PPP2R2C: variants seen among roughly 807,000 people sequenced by gnomAD.
PPP2R2C encodes the protein protein phosphatase 2, regulatory subunit B, gamma.
In PPP2R2C, 10 loss-of-function variants were observed where a neutral mutation model predicts 45.3. The observed-to-expected ratio is 0.22, with a 90% confidence interval of 0.14 to 0.37. PPP2R2C has a LOEUF of 0.37. Ranked by LOEUF, PPP2R2C falls within the 10% of genes least tolerant of loss-of-function variation. PPP2R2C has a pLI of 1.00. For synonymous variants in PPP2R2C, 257 were observed against 245.4 expected, an observed-to-expected ratio of 1.05 and a Z score of -0.44; for missense variants, 308 against 619.7, an observed-to-expected ratio of 0.50 and a Z score of 5.34.
In PPP2R2C at chr4:6,322,637, C is replaced by T. The variant is rs1338515456; in HGVS notation, c.*665G>A. Reference sequence around the variant, plus strand: ...CACAGAAGACAAACCCCACTCCGCTCCTCTCGGGAAACCGCACCAGACCTG... The same window carrying T: ...CACAGAAGACAAACCCCACTCCGCTTCTCTCGGGAAACCGCACCAGACCTG... On this transcript the variant is annotated 3_prime_UTR_variant, in exon 9 of 9. Coordinates refer to ENST00000382599, the MANE Select transcript of PPP2R2C (RefSeq NM_020416.4). This position sits in a 1 kb window ranked among gnomAD's most constrained non-coding sequence, Gnocchi z 7.8. 2 of 152,278 alleles carry T rather than the reference C, an allele frequency of 1.3e-5. No homozygotes were observed. Among genetic ancestry groups the T allele is most frequent in the African/African-American group, 4.8e-5 (2 of 41,440 alleles). 9.4% of individuals were successfully genotyped at this position (152,278 alleles called of 1,614,324 possible). A position where few individuals can be genotyped will look rare whatever the true frequency, so the allele number is the denominator to read the frequency against.
At chr4:6,396,943 G>A (rs567206659) in intron 1 of PPP2R2C, among the ~76,000 whole-genome samples, 1 of 152,288 alleles carries the variant, frequency 6.6e-6, no homozygotes, top group African/African-American at 2.4e-5. Context: ...GCCTACTCAA[G>A]CCAGGGCTGA....
chr4:6,500,628 C>G (rs182807316), intron 2 of PPP2R2C, among the ~76,000 whole-genome samples: 2 of 152,342 alleles, frequency 1.3e-5, no homozygotes, highest in East Asian at 3.9e-4. Context: ...GCCAAAGAAC[C>G]TGCTTTCATG....
At chr4:6,417,396 G>C (rs970159772) in intron 1 of PPP2R2C, among the ~76,000 whole-genome samples, 17 of 152,214 alleles carry the variant, frequency 1.1e-4, no homozygotes, top group African/African-American at 4.1e-4. Context: ...CTTGGGCCTT[G>C]GGAATCTTCC....
chr4:6,387,981 T>C (rs975580549), intron 1 of PPP2R2C, among the ~76,000 whole-genome samples: 12 of 152,222 alleles, frequency 7.9e-5, no homozygotes, highest in African/African-American at 2.7e-4. Flanking sequence ...GCCTTTGGCA[T>C]GTGCTCTTTT....
chr4:6,350,377 C>T (rs938303464), intron 5 of PPP2R2C: 11 of 985,312 alleles, frequency 1.1e-5, no homozygotes, highest in Admixed American at 6.1e-5. Context: ...TGAAATGTCA[C>T]GCACATTAGT....
chr4:6,531,232 C>A (rs924464653), intron 2 of PPP2R2C, among the ~76,000 whole-genome samples: 1 of 152,204 alleles, frequency 6.6e-6, no homozygotes, highest in African/African-American at 2.4e-5. Flanking sequence ...CGAGGAAGCA[C>A]CCACCAAGTC....
In PPP2R2C at chr4:6,418,218, G is replaced by A. The variant is rs35538526; in HGVS notation, c.71-37124C>T. Among the ~76,000 whole-genome samples, 1,229 of 152,188 alleles carry A rather than the reference G, an allele frequency of 8.1e-3. 11 individuals are homozygous for A. Among genetic ancestry groups the A allele is most frequent in the Middle Eastern group, 0.044 (13 of 294 alleles). ...GGAGAGTGGTCTTGACTAAAACGTGGGGCTCAACCATTCAGACCCACCTAC... is the reference window on the plus strand; with the variant it reads ...GGAGAGTGGTCTTGACTAAAACGTGAGGCTCAACCATTCAGACCCACCTAC... On this transcript the variant is annotated intron_variant, in intron 1 of 8. Transcript: ENST00000382599.
At chr4:6,371,247 G>C (rs773501865) in intron 5 of PPP2R2C, among the ~76,000 whole-genome samples, 22 of 152,330 alleles carry the variant, frequency 1.4e-4, no homozygotes, top group Non-Finnish European at 2.8e-4. Flanking sequence ...CCTCTGGCTG[G>C]CTCAGGGGAC....
chr4:6,472,871 G>A (rs1265106737), upstream of PPP2R2C, among the ~76,000 whole-genome samples: 1 of 152,054 alleles, frequency 6.6e-6, no homozygotes, highest in Non-Finnish European at 1.5e-5. Context: ...CTCCAGTTAT[G>A]GGAGAGAAGG....
At chr4:6,337,896 A>G (rs1043783287) in intron 6 of PPP2R2C, among the ~76,000 whole-genome samples, 2 of 152,188 alleles carry the variant, frequency 1.3e-5, no homozygotes, top group Non-Finnish European at 2.9e-5. Flanking sequence ...ATAAGCCTGA[A>G]AAACCATTCC....
intron 1 of PPP2R2C, among the ~76,000 whole-genome samples, chr4:6,431,594 C>G (rs550580148): frequency 1.5e-4 from 23 of 152,214 alleles, no homozygotes; most frequent in Non-Finnish European, 1.0e-4. Context: ...CAGAGCCCCC[C>G]CTTCCCTGGC....
intron 1 of PPP2R2C, among the ~76,000 whole-genome samples, chr4:6,470,637 G>A (rs934216584): frequency 1.3e-5 from 2 of 152,170 alleles, no homozygotes; most frequent in Non-Finnish European, 2.9e-5. Context: ...GCAACCCGGC[G>A]GCTTCCTCCA....
intron 5 of PPP2R2C, 78 bp downstream of exon 5, chr4:6,372,445 C>A (rs1489436292): frequency 9.4e-6 from 14 of 1,481,662 alleles, no homozygotes; most frequent in African/African-American, 1.4e-5. Flanking sequence ...CAGCTGTCTG[C>A]CAATCAAACC....
At position 6,560,382 on chromosome 4, in the gene PPP2R2C, A is replaced by G. The variant is rs142117521; in HGVS notation, c.-59+3178T>C. On this transcript the variant is annotated intron_variant, in intron 1 of 9. Coordinates refer to the PPP2R2C transcript ENST00000506140. ...TTTTCTGACAGCAGCAGTGAGCTCC[A>G]GGCCCTTGTTGAGAGGTGGTGGGGT... Among the ~76,000 whole-genome samples, 37 of 152,342 alleles carry G rather than the reference A, an allele frequency of 2.4e-4. No homozygotes were observed. In the East Asian group the frequency reaches 6.4e-3, roughly 26 times the overall value.
chr4:6,538,408 G>A (rs1343545238), intron 1 of PPP2R2C, among the ~76,000 whole-genome samples: 2 of 152,054 alleles, frequency 1.3e-5, no homozygotes, highest in Non-Finnish European at 2.9e-5. Context: ...CAAGTTCATC[G>A]TCCCCAGCGA....
intron 6 of PPP2R2C, 142 bp downstream of exon 6, chr4:6,347,704 G>T: frequency 9.0e-7 from 1 of 1,108,584 alleles, no homozygotes; most frequent in Non-Finnish European, 1.3e-6. Context: ...CGCTGAAGCA[G>T]CAATGGGCCC....
chr4:6,429,085 GTAGATA>G (rs1719482263), intron 1 of PPP2R2C, among the ~76,000 whole-genome samples: 1 of 754 alleles, frequency 1.3e-3, no homozygotes, highest in Admixed American at 0.023. Flanking sequence ...CAGACAATGT[GTAGATA>G]CATGCCATGT....
chr4:6,396,271 C>T (rs1011046329), intron 1 of PPP2R2C, among the ~76,000 whole-genome samples: 1 of 152,326 alleles, frequency 6.6e-6, no homozygotes, highest in East Asian at 1.9e-4. Context: ...TGTGGGACAG[C>T]CATGCACCTG....
intron 2 of PPP2R2C, among the ~76,000 whole-genome samples, chr4:6,480,460 T>C (rs1722312118): frequency 6.6e-6 from 1 of 152,200 alleles, no homozygotes; most frequent in African/African-American, 2.4e-5. Flanking sequence ...ATCCCAGAAA[T>C]TGGCAAATTC....
Sources: allele counts gnomAD v4.1 joint callset (sites outside exome capture counted in the v4.1 genomes callset), GRCh38; gene constraint gnomAD v4.1.1; non-coding constraint Gnocchi (gnomAD v3.1); transcripts MANE v1.5; gene names NCBI Gene and HGNC (gene_info 2026-07-23, HGNC 2026-07-21).